Variants in RAB4A observed in about 807,000 individuals in gnomAD.
RAB4A encodes ras-related protein Rab-4A.
A neutral mutation model predicts 34.5 loss-of-function variants in RAB4A; 20 were observed. The ratio of observed to expected loss-of-function variants is 0.58; its 90% CI spans 0.41 to 0.84. The LOEUF is 0.84. RAB4A is among the 40% of genes least tolerant of loss of function. The probability of loss-of-function intolerance (pLI) is 0.00; values close to 1 mark genes in which losing one functional copy is unlikely to be tolerated. For missense variants in RAB4A, 228 were observed against 274.5 expected (o/e 0.83, Z 1.20); for synonymous variants, 102 against 100.0 (o/e 1.02, Z -0.12).
At chr1:229,300,312 G>A (rs1483917723) in intron 6 of RAB4A, among the ~76,000 whole-genome samples, 2 of 152,208 alleles carry the variant, frequency 1.3e-5, no homozygotes, top group Non-Finnish European at 2.9e-5. Flanking sequence ...ATGTATGTAG[G>A]AGGTTATGTT....
At chr1:229,299,894 G>A (rs912291472) in intron 6 of RAB4A, among the ~76,000 whole-genome samples, 4 of 152,134 alleles carry the variant, frequency 2.6e-5, no homozygotes, top group African/African-American at 9.7e-5. Flanking sequence ...GGATAGAGGA[G>A]GTGTCAGGGA....
intron 3 of RAB4A, among the ~76,000 whole-genome samples, chr1:229,294,399 C>T (rs944277453): frequency 9.2e-5 from 14 of 152,306 alleles, no homozygotes; most frequent in African/African-American, 3.4e-4. Context: ...GCAGAGGCTG[C>T]GCGAGTGAGT....
At chr1:229,288,984 CTT>C (rs1656994488) in intron 3 of RAB4A, 141 bp downstream of exon 3, 3 of 636,080 alleles carry the variant, frequency 4.7e-6, no homozygotes, top group Admixed American at 3.1e-5. Flanking sequence ...TTTTTGGAAA[CTT>C]TGATTGACAA....
rs781186755 is a variant in RAB4A at position 229,298,966 on chromosome 1, G to T, written c.446-11G>T. On this transcript the variant is annotated splice_polypyrimidine_tract_variant and intron_variant, in intron 5 of 7. Transcript: ENST00000366690. ...TAAACATGACTTTATTTTGTTTGATGTCCATTTTAGAGCTGATGTTTTTGG... is the reference window on the plus strand; with the variant it reads ...TAAACATGACTTTATTTTGTTTGATTTCCATTTTAGAGCTGATGTTTTTGG... 3.1e-6 allele frequency: 5 copies of T among 1,592,720 alleles called. No individual in the cohort carries two copies. The highest frequency in any genetic ancestry group is 4.3e-6 in the Non-Finnish European group (5 of 1,165,456).
chr1:229,272,627 A>G (rs982823962), intron 1 of RAB4A, among the ~76,000 whole-genome samples: 5 of 152,196 alleles, frequency 3.3e-5, no homozygotes, highest in Non-Finnish European at 1.5e-5. Context: ...CAGCACGCAG[A>G]ACATCTCAGG....
chr1:229,283,798 T>G (rs901688548), intron 1 of RAB4A, among the ~76,000 whole-genome samples: 1 of 151,392 alleles, frequency 6.6e-6, no homozygotes, highest in Non-Finnish European at 1.5e-5. Context: ...ACAATCTTGC[T>G]TCACTGCAAC....
chr1:229,288,554 G>T (rs1050104294), intron 2 of RAB4A, among the ~76,000 whole-genome samples, 175 bp from the exon 3 acceptor site: 1 of 152,216 alleles, frequency 6.6e-6, no homozygotes, highest in Non-Finnish European at 1.5e-5. Context: ...TAGGGGCTGT[G>T]TGTATTATCT....
chr1:229,274,945 TTTTTA>T (rs1371163350), intron 1 of RAB4A, among the ~76,000 whole-genome samples: 1 of 152,200 alleles, frequency 6.6e-6, no homozygotes, highest in Non-Finnish European at 1.5e-5. Context: ...ACTCTTAATG[TTTTTA>T]TTTTGTGCTT....
At chr1:229,287,825 T>C (rs367571510) in intron 2 of RAB4A, among the ~76,000 whole-genome samples, 36 of 152,338 alleles carry the variant, frequency 2.4e-4, no homozygotes, top group East Asian at 1.5e-3. Context: ...CAGTTGCCAG[T>C]GGCATCCCTG....
chr1:229,285,561 G>C (rs77212996), intron 1 of RAB4A, among the ~76,000 whole-genome samples: 1 of 152,068 alleles, frequency 6.6e-6, no homozygotes, highest in African/African-American at 2.4e-5. Context: ...ACAAACAGGG[G>C]AGCCAGGAAT....
chr1:229,296,053 C>T, intron 4 of RAB4A, 143 bp downstream of exon 4: 1 of 726,344 alleles, frequency 1.4e-6, no homozygotes, highest in East Asian at 2.8e-5. Flanking sequence ...GCCCCTTAGC[C>T]CTTCCATCTG....
chr1:229,271,423 T>TGGCGC (rs1656470225), intron 1 of RAB4A, 53 bp downstream of exon 1: 1 of 1,190,392 alleles, frequency 8.4e-7, no homozygotes, highest in African/African-American at 1.6e-5. Flanking sequence ...GGGGCGTCGG[T>TGGCGC]GGCGCGGGGC....
chr1:229,289,387 T>G (rs1238161346), intron 3 of RAB4A, among the ~76,000 whole-genome samples: 1 of 152,228 alleles, frequency 6.6e-6, no homozygotes, highest in Non-Finnish European at 1.5e-5. Context: ...GAAAATAGAT[T>G]AATATTTTAG....
chr1:229,287,283 G>A (rs1373534846), intron 2 of RAB4A, among the ~76,000 whole-genome samples: 2 of 152,118 alleles, frequency 1.3e-5, no homozygotes, highest in East Asian at 3.8e-4. Context: ...GAAAGAACCA[G>A]TTTGGGGTGT....
intron 3 of RAB4A, among the ~76,000 whole-genome samples, chr1:229,294,626 G>A (rs1657187642): frequency 1.3e-5 from 2 of 152,216 alleles, no homozygotes; most frequent in Non-Finnish European, 2.9e-5. Context: ...GATCATCCGA[G>A]GTCAAGAGTT....
At chr1:229,271,417 C>A (rs1336365177) in intron 1 of RAB4A, 47 bp downstream of exon 1, 3 of 1,197,530 alleles carry the variant, frequency 2.5e-6, no homozygotes, top group Non-Finnish European at 3.1e-6. Flanking sequence ...CCGCGGGGGG[C>A]GTCGGTGGCG....
Position 229,290,329 on chromosome 1 carries a change from C to G in RAB4A, c.227+1486C>G, listed in dbSNP as rs1273560696. Among the ~76,000 whole-genome samples, 3 of 152,262 alleles carry G rather than the reference C, an allele frequency of 2.0e-5. No individual in the cohort carries two copies. In the East Asian group the frequency reaches 5.8e-4, roughly 29 times the overall value. On this transcript the variant is annotated intron_variant, in intron 3 of 7. Transcript: ENST00000366690. ...GAGGGAAATTAAGTGAAAATGAAAG[C>G]CTCTGGCCCCCAACCCACCTCCCCT...
At chr1:229,273,147 G>A (rs1469526320) in intron 1 of RAB4A, among the ~76,000 whole-genome samples, 2 of 152,184 alleles carry the variant, frequency 1.3e-5, no homozygotes, top group Non-Finnish European at 2.9e-5. Context: ...AAAAGCAAGT[G>A]GGGGTCATGA....
At chr1:229,294,130 A>G (rs965245835) in intron 3 of RAB4A, among the ~76,000 whole-genome samples, 1 of 152,200 alleles carries the variant, frequency 6.6e-6, no homozygotes, top group Non-Finnish European at 1.5e-5. Context: ...GCCTCTTCCT[A>G]GGCCAGGACG....
Sources: allele counts gnomAD v4.1 joint callset (sites outside exome capture counted in the v4.1 genomes callset), GRCh38; gene constraint gnomAD v4.1.1; transcripts MANE v1.5; gene names NCBI Gene and HGNC (gene_info 2026-07-23, HGNC 2026-07-21).